Variants in TMEM164 observed in about 807,000 individuals in gnomAD.
The protein encoded by TMEM164 is RP13-360B22.2.
TMEM164 carries 4 observed loss-of-function variants against 18.8 expected under a neutral mutation model. The observed-to-expected ratio is 0.21, with a 90% CI of 0.10 to 0.49. TMEM164 has a LOEUF of 0.49. Among genes scored for constraint, TMEM164 ranks in the 20% least tolerant of loss-of-function variants. TMEM164 has a pLI of 0.98. For synonymous variants in TMEM164, 86 were observed against 101.7 expected (o/e 0.85, Z 0.93); for missense variants, 108 against 239.9 (o/e 0.45, Z 3.63).
intron 2 of TMEM164, among the ~76,000 whole-genome samples, chrX:110,045,397 A>G (rs1175121702): frequency 8.9e-6 from 1 of 112,138 alleles, no homozygotes; most frequent in Non-Finnish European, 1.9e-5. Context: ...TGGGTGTTTG[A>G]AGCTCATGAA....
intron 4 of TMEM164, among the ~76,000 whole-genome samples, chrX:110,126,810 CTG>C (rs4035483): frequency 0.11 from 7,339 of 69,279 alleles, 354 homozygotes; most frequent in Non-Finnish European, 0.13. Context: ...TGGGCCACTC[CTG>C]TGTGTGTGTG....
intron 3 of TMEM164, among the ~76,000 whole-genome samples, chrX:110,102,661 C>T (rs1040944808): frequency 7.1e-5 from 8 of 112,056 alleles, no homozygotes; most frequent in African/African-American, 2.6e-4. Flanking sequence ...ACATTGATCA[C>T]TTTACATGGT....
At chrX:110,146,898 A>G (rs1029731448) in intron 5 of TMEM164, among the ~76,000 whole-genome samples, 4 of 112,500 alleles carry the variant, frequency 3.6e-5, no homozygotes, top group Non-Finnish European at 7.5e-5. Flanking sequence ...AAGAAAGCCG[A>G]GAGTCTGGGG....
intron 3 of TMEM164, among the ~76,000 whole-genome samples, chrX:110,088,018 C>A (rs925247118): frequency 8.9e-6 from 1 of 111,941 alleles, no homozygotes; most frequent in African/African-American, 3.2e-5. Context: ...CTTGGCATTG[C>A]AAAACTGATA....
intron 3 of TMEM164, among the ~76,000 whole-genome samples, chrX:110,074,608 T>C (rs1471160348): frequency 8.9e-6 from 1 of 112,110 alleles, no homozygotes; most frequent in Non-Finnish European, 1.9e-5. Flanking sequence ...ATTTAAATGT[T>C]TAAGTCATCT....
chrX:110,038,282 C>T (rs1934934877), intron 2 of TMEM164, among the ~76,000 whole-genome samples: 1 of 111,049 alleles, frequency 9.0e-6, no homozygotes, highest in Admixed American at 9.5e-5. Context: ...TGAGCCACCG[C>T]GCCCGGCCTG....
rs773640341 is a variant in TMEM164 at position 110,177,262 on chromosome X, T to C, written c.*3811T>C. 8.9e-6 allele frequency: 1 copy of C among 112,955 alleles called. No homozygotes were observed. The highest frequency in any genetic ancestry group is 1.9e-5 in the Non-Finnish European group (1 of 53,378). The allele number at this position is 112,955 out of a possible 1,213,427, so 9.3% of individuals were successfully genotyped here. A position where few individuals can be genotyped will look rare whatever the true frequency, so the allele number is the denominator to read the frequency against. On this transcript the variant is annotated 3_prime_UTR_variant, in exon 7 of 7. Transcript: ENST00000372068. ...CCATTTTGTGTTCTATTTTAAAGAA[T>C]CTTTCATTTATATTGGTGTTATTGT...
chrX:110,154,105 A>G (rs1294192199), intron 5 of TMEM164, among the ~76,000 whole-genome samples: 3 of 111,792 alleles, frequency 2.7e-5, no homozygotes, highest in Non-Finnish European at 5.6e-5. Flanking sequence ...TAGATAACAA[A>G]CCACAGTTAC....
chrX:110,110,745 A>G (rs780304312), intron 4 of TMEM164, among the ~76,000 whole-genome samples: 3 of 112,557 alleles, frequency 2.7e-5, no homozygotes, highest in South Asian at 3.7e-4. Context: ...AGTGATGCCA[A>G]TGCAGGGGTC....
chrX:110,149,396 G>T (rs991912659), intron 5 of TMEM164, among the ~76,000 whole-genome samples: 1 of 111,609 alleles, frequency 9.0e-6, no homozygotes, highest in Non-Finnish European at 1.9e-5. Flanking sequence ...ACGTCTGTCT[G>T]ACCAAATCTA....
intron 2 of TMEM164, chrX:110,020,754 G>A (rs1053727184): frequency 2.9e-6 from 2 of 678,220 alleles, no homozygotes; most frequent in African/African-American, 4.8e-5. Flanking sequence ...AATGTGTGAA[G>A]AGTTGCATGC....
intron 2 of TMEM164, among the ~76,000 whole-genome samples, chrX:110,025,176 G>A (rs1198439925): frequency 9.0e-6 from 1 of 111,441 alleles, no homozygotes; most frequent in Admixed American, 9.6e-5. Context: ...AGGCAGAATA[G>A]ACTAGGTACT....
intron 5 of TMEM164, among the ~76,000 whole-genome samples, chrX:110,149,170 A>T (rs1227879194): frequency 4.5e-5 from 5 of 110,862 alleles, no homozygotes; most frequent in Admixed American, 2.9e-4. Flanking sequence ...CTGGTTATCT[A>T]TTTTAACACA....
At chrX:110,030,047 G>C (rs1421658647) in intron 2 of TMEM164, among the ~76,000 whole-genome samples, 2 of 106,479 alleles carry the variant, frequency 1.9e-5, no homozygotes, top group African/African-American at 3.4e-5. Context: ...GAAAGTTTCT[G>C]GTAATCTGTC....
intron 4 of TMEM164, among the ~76,000 whole-genome samples, chrX:110,139,783 A>G (rs1302427212): frequency 9.0e-6 from 1 of 110,930 alleles, no homozygotes; most frequent in Non-Finnish European, 1.9e-5. Flanking sequence ...AGAAGTGAGG[A>G]CATGAGGTTG....
intron 2 of TMEM164, among the ~76,000 whole-genome samples, chrX:110,051,593 A>AAAAGAAAGAAAGAAAG (rs367718317): frequency 3.9e-5 from 4 of 102,988 alleles, no homozygotes; most frequent in African/African-American, 1.4e-4. Context: ...CAAAAAAAAA[A>AAAAGAAAGAAAGAAAG]AAAGAAAGAA....
At chrX:110,145,273 A>G (rs1176434246) in intron 5 of TMEM164, among the ~76,000 whole-genome samples, 1 of 111,470 alleles carries the variant, frequency 9.0e-6, no homozygotes, top group African/African-American at 3.3e-5. Context: ...CTCAAGAACA[A>G]AAGAAGATAT....
intron 3 of TMEM164, among the ~76,000 whole-genome samples, chrX:110,088,892 A>T (rs1298358767): frequency 8.9e-6 from 1 of 112,238 alleles, no homozygotes; most frequent in African/African-American, 3.2e-5. Context: ...AGATTCAGAT[A>T]ACTTTTCCCA....
At chrX:110,140,603 A>G (rs369290078) in intron 4 of TMEM164, among the ~76,000 whole-genome samples, 1 of 111,870 alleles carries the variant, frequency 8.9e-6, no homozygotes, top group East Asian at 2.8e-4. Flanking sequence ...ACTGTTTCAG[A>G]CAGTCTAAAC....
Sources: gnomAD v4.1 joint callset for allele counts (sites outside exome capture counted in the v4.1 genomes callset) on GRCh38, gnomAD v4.1.1 for gene constraint, MANE v1.5 for transcripts, NCBI Gene and HGNC (gene_info 2026-07-23, HGNC 2026-07-21) for gene names.